The following USP49 variants were observed in gnomAD, a reference collection of about 807,000 sequenced individuals.
The protein encoded by USP49 is ubiquitin carboxyl-terminal hydrolase 49.
In USP49, 24 loss-of-function variants were observed where a neutral mutation model predicts 58.6. That is an observed-to-expected ratio of 0.41 (90% confidence interval 0.30 to 0.58). The LOEUF is 0.58. Ranked by LOEUF, USP49 falls within the 20% of genes least tolerant of loss-of-function variation. The pLI is 0.30. For synonymous variants in USP49, 408 were observed against 365.1 expected (o/e 1.12, Z -1.34); for missense variants, 703 against 866.1 (o/e 0.81, Z 2.36).
chr6:41,790,554 T>G lies in USP49; in HGVS notation c.*5979A>C, dbSNP rs1023377693. 3.3e-5 allele frequency: 5 copies of G among 152,144 alleles called. No individual in the cohort carries two copies. Among genetic ancestry groups the G allele is most frequent in the Non-Finnish European group, 1.5e-5 (1 of 68,032 alleles). 9.4% of individuals were successfully genotyped at this position (152,144 alleles called of 1,614,324 possible). On this transcript the variant is annotated 3_prime_UTR_variant, in exon 8 of 8. Transcript: ENST00000682992. ...CTGCTTTTATGTGCCAAGTCTCTTATGGAACTAGTATGGGATTAAAGGACG... is the reference window on the plus strand; with the variant it reads ...CTGCTTTTATGTGCCAAGTCTCTTAGGGAACTAGTATGGGATTAAAGGACG...
At chr6:41,850,595 T>A (rs1301676239) in intron 3 of USP49, among the ~76,000 whole-genome samples, 3 of 151,458 alleles carry the variant, frequency 2.0e-5, no homozygotes, top group Admixed American at 2.0e-4. Context: ...TAACCTAGAA[T>A]AAATGGATAA....
In USP49 at chr6:41,805,978, C is replaced by T. The variant is rs771886000; in HGVS notation, c.1006G>A (p.Ala336Thr). Residue 336 changes from alanine to threonine, a missense_variant, in exon 4 of 8, where the codon GCC becomes ACC. Ala to Thr is a moderately conservative substitution (Grantham distance 58, BLOSUM62 0). Transcript: ENST00000682992. Reference sequence around the variant, plus strand: ...AGCTCCAGACTCCGACTAATGGAGGCCCTGCCGTTCCAGCAGAAGCCCTCC... The same window carrying T: ...AGCTCCAGACTCCGACTAATGGAGGTCCTGCCGTTCCAGCAGAAGCCCTCC... ...EREGFCWNGR[A>T]SISRSLELIQ... 1.9e-6 allele frequency: 3 copies of T among 1,613,912 alleles called. No individual in the cohort carries two copies. Among genetic ancestry groups the T allele is most frequent in the South Asian group, 2.2e-5 (2 of 91,082 alleles).
At chr6:41,857,126 T>G (rs1403176322) in intron 3 of USP49, among the ~76,000 whole-genome samples, 2 of 152,152 alleles carry the variant, frequency 1.3e-5, no homozygotes, top group Non-Finnish European at 2.9e-5. Flanking sequence ...GGCTGCCATC[T>G]TCAACTACAA....
rs1773100292 is a variant in USP49, at chr6:41,805,642, G to A, written c.1342C>T (p.Gln448Ter). 6.2e-7 allele frequency: 1 copy of A among 1,612,628 alleles called. No individual in the cohort carries two copies. Among genetic ancestry groups the A allele is most frequent in the Non-Finnish European group, 8.5e-7 (1 of 1,178,842 alleles). The change falls in exon 4 of 8, where the codon CAG becomes TAG. Residue 448 changes from glutamine to a stop codon, truncating the protein, a stop_gained. Transcript: ENST00000682992. LOFTEE classifies it high-confidence loss of function. ...LKVVNTIFHG[Q>*]LLSQVTCISC... ...CACACACATACCTGACTGAGCAGCT[G>A]CCCATGAAATATGGTATTCACCACC...
chr6:41,823,200 A>T (rs1201536645), intron 3 of USP49, among the ~76,000 whole-genome samples: 1 of 152,224 alleles, frequency 6.6e-6, no homozygotes, highest in Non-Finnish European at 1.5e-5. Flanking sequence ...GTGACAGCAC[A>T]TGCTTTGTGG....
In USP49 at chr6:41,805,769, G is replaced by A. The variant is rs115749419; in HGVS notation, c.1215C>T (p.Cys405=). The A allele has an allele frequency of 7.1e-4, 1,151 of 1,614,072 alleles. 11 individuals are homozygous for A. The African/African-American group carries it at 0.014, about 20-fold the overall frequency. The change falls in exon 4 of 8, where the codon TGC becomes TGT. Residue 405 remains cysteine, a synonymous_variant. Transcript: ENST00000682992. The part of the protein sequence containing the change: ...YDQQDAQEFL[C]ELLHKVQQEL... ...CCTGCTGCACCTTGTGCAGCAGCTC[G>A]CAGAGAAATTCCTGCGCGTCCTGTT...
chr6:41,888,515 AC>A (rs1774756507), intron 2 of USP49, among the ~76,000 whole-genome samples: 1 of 152,146 alleles, frequency 6.6e-6, no homozygotes, highest in African/African-American at 2.4e-5. Flanking sequence ...GTACAACAGC[AC>A]GATCTCAGCT....
chr6:41,808,183 C>T (rs568784410), intron 3 of USP49, among the ~76,000 whole-genome samples: 34 of 152,208 alleles, frequency 2.2e-4, no homozygotes, highest in African/African-American at 8.2e-4. Context: ...ACAAATCTGA[C>T]TTAGGACAAG....
Position 41,806,469 on chromosome 6 carries a change from C to G in USP49, c.515G>C (p.Arg172Pro), listed in dbSNP as rs1331775390. 6.3e-7 allele frequency: 1 copy of G among 1,596,010 alleles called. No homozygotes were observed. Among genetic ancestry groups the G allele is most frequent in the Non-Finnish European group, 8.5e-7 (1 of 1,178,542 alleles). ...GCGCTCCAGGGCCTCCTCCTGCCGC[C>G]GCTGCTCCAGCTTCGCCTGGCCCCG... Reference protein sequence around the residue: ...SSRGQAKLEQRRQEEALERKK... With the variant: ...SSRGQAKLEQPRQEEALERKK... The change falls in exon 4 of 8, where the codon CGG becomes CCG. Residue 172 changes from arginine (R) to proline (P), a missense_variant. By Grantham distance (103) the Arg-to-Pro change is moderately radical. Coordinates refer to ENST00000682992, the MANE Select transcript of USP49 (RefSeq NM_001286554.2). The surrounding 1 kb of genome is among the most constrained non-coding windows in gnomAD (Gnocchi z 5.9).
At chr6:41,802,436 A>AT (rs775647919) in intron 5 of USP49, among the ~76,000 whole-genome samples, 133 of 32,622 alleles carry the variant, frequency 4.1e-3, no homozygotes, top group African/African-American at 6.7e-3. Flanking sequence ...TATTTTATTT[A>AT]TTTATTTATT....
At chr6:41,799,799 C>T in intron 6 of USP49, 31 bp downstream of exon 6, 1 of 1,595,230 alleles carries the variant, frequency 6.3e-7, no homozygotes, top group Non-Finnish European at 8.6e-7. Flanking sequence ...CCACAGCTCT[C>T]ACCCAGCTGG....
chr6:41,893,875 C>A (rs1182775054), intron 1 of USP49: 4 of 152,102 alleles, frequency 2.6e-5, no homozygotes, highest in Non-Finnish European at 5.9e-5. Flanking sequence ...CCTGCACCCC[C>A]CACCTCTGCC....
intron 3 of USP49, among the ~76,000 whole-genome samples, chr6:41,865,979 T>TGGCGCGATCTC (rs1209193926): frequency 7.7e-6 from 1 of 130,104 alleles, no homozygotes; most frequent in East Asian, 2.5e-4. Context: ...TGGAGTGCAG[T>TGGCGCGATCTC]GGCGCGATCT....
chr6:41,810,203 G>A (rs1241452215), intron 3 of USP49, among the ~76,000 whole-genome samples: 1 of 151,512 alleles, frequency 6.6e-6, no homozygotes, highest in East Asian at 1.9e-4. Context: ...AAAATAGGCC[G>A]GGTGCAGTGG....
At chr6:41,850,628 CAG>C (rs1774011005) in intron 3 of USP49, among the ~76,000 whole-genome samples, 1 of 142,600 alleles carries the variant, frequency 7.0e-6, no homozygotes, top group Non-Finnish European at 1.5e-5. Context: ...TTTTTTGAGA[CAG>C]AGTCTCATTC....
intron 2 of USP49, among the ~76,000 whole-genome samples, chr6:41,890,152 G>C (rs910474890): frequency 6.6e-6 from 1 of 151,878 alleles, no homozygotes; most frequent in Non-Finnish European, 1.5e-5. Flanking sequence ...TAGCACTTTG[G>C]AGATCACTTG....
At position 41,831,043 on chromosome 6, in the gene USP49, G is replaced by A. The variant is rs571367241; in HGVS notation, c.-28-24032C>T. Among the ~76,000 whole-genome samples the A allele has an allele frequency of 2.1e-3, 316 of 151,910 alleles. 5 individuals are homozygous for A. The highest frequency in any genetic ancestry group is 3.7e-3 in the Non-Finnish European group (252 of 67,948). ...AGGCAGAGGTGGGCAGATCACCTGA[G>A]GTCAGGAGTTCAAGACCAGCCTGGC... On this transcript the variant is annotated intron_variant, in intron 3 of 7. Coordinates refer to ENST00000682992, the MANE Select transcript of USP49 (RefSeq NM_001286554.2).
intron 7 of USP49, chr6:41,797,696 T>A (rs546005708): frequency 1.0e-6 from 1 of 985,688 alleles, no homozygotes; most frequent in Non-Finnish European, 1.2e-6. Flanking sequence ...TCATACAATA[T>A]CTCCTTGAGG....
chr6:41,806,593 G>A lies in USP49; in HGVS notation c.391C>T (p.Arg131Cys). The A allele has an allele frequency of 1.2e-6, 2 of 1,606,202 alleles. No homozygotes were observed. Among genetic ancestry groups the A allele is most frequent in the Admixed American group, 1.7e-5 (1 of 59,872 alleles). ...ASGEDVVLPQ[R>C]APQGQPQMLT... ...ATCTGCGGCTGTCCCTGAGGAGCGC[G>A]CTGCGGCAGGACCACGTCCTCACCC... Residue 131 changes from arginine to cysteine, a missense_variant, in exon 4 of 8, where the codon CGC becomes TGC. Arg to Cys is a radical substitution (Grantham distance 180). This residue lies in a region of USP49 where 376 missense variants were observed against 373.5 expected (regional missense o/e 1.01). Coordinates refer to ENST00000682992, the MANE Select transcript of USP49 (RefSeq NM_001286554.2). This position sits in a 1 kb window ranked among gnomAD's most constrained non-coding sequence, Gnocchi z 5.9.
Sources: allele counts gnomAD v4.1 joint callset (sites outside exome capture counted in the v4.1 genomes callset), GRCh38; gene constraint gnomAD v4.1.1; regional missense constraint gnomAD v4.1.1; non-coding constraint Gnocchi (gnomAD v3.1); transcripts MANE v1.5; gene names NCBI Gene and HGNC (gene_info 2026-07-23, HGNC 2026-07-21).